The following DPP10 variants were observed in gnomAD, a reference collection of about 807,000 sequenced individuals.
The protein encoded by DPP10 is inactive dipeptidyl peptidase 10.
A neutral mutation model predicts 120.9 loss-of-function variants in DPP10; 33 were observed. That is an observed-to-expected ratio of 0.27 (90% CI 0.21 to 0.37). The LOEUF (loss-of-function observed/expected upper bound fraction) is 0.37. DPP10 is among the 10% of genes least tolerant of loss of function. DPP10 has a pLI of 1.00. For missense variants in DPP10, 816 were observed against 942.8 expected (o/e 0.87, Z 1.76); for synonymous variants, 337 against 326.1 (o/e 1.03, Z -0.36).
chr2:114,670,921 A>T (rs181403005), intron 1 of DPP10, among the ~76,000 whole-genome samples: 60 of 152,300 alleles, frequency 3.9e-4, no homozygotes, highest in African/African-American at 1.3e-3. Context: ...ATTATCACAC[A>T]TATCATAGGT....
chr2:114,693,828 T>C (rs1480716906), intron 1 of DPP10, among the ~76,000 whole-genome samples: 1 of 151,952 alleles, frequency 6.6e-6, no homozygotes, highest in Admixed American at 6.6e-5. Flanking sequence ...TTCAGAAAGA[T>C]AGTCTTCAAG....
chr2:114,598,344 A>ATG (rs915302190), intron 1 of DPP10, among the ~76,000 whole-genome samples: 1 of 151,872 alleles, frequency 6.6e-6, no homozygotes, highest in African/African-American at 2.4e-5. Context: ...AAGAAGGTGA[A>ATG]TGAATAATTT....
intron 3 of DPP10, among the ~76,000 whole-genome samples, chr2:115,357,779 A>G (rs1183660029): frequency 1.3e-5 from 2 of 152,166 alleles, no homozygotes; most frequent in Admixed American, 6.5e-5. Flanking sequence ...AGGCATTTCC[A>G]TACATCCTCT....
At chr2:114,747,323 A>G (rs1678669097) in intron 1 of DPP10, among the ~76,000 whole-genome samples, 1 of 152,146 alleles carries the variant, frequency 6.6e-6, no homozygotes, top group South Asian at 2.1e-4. Flanking sequence ...TCAGTCTTTT[A>G]TCCTTTGTAA....
At chr2:114,967,790 A>ATTATCG (rs1699137957) in intron 1 of DPP10, among the ~76,000 whole-genome samples, 1 of 151,888 alleles carries the variant, frequency 6.6e-6, no homozygotes, top group African/African-American at 2.4e-5. Context: ...TAACATTATC[A>ATTATCG]TTATCATTAT....
chr2:115,120,582 G>T (rs866360547), intron 1 of DPP10, among the ~76,000 whole-genome samples: 2 of 152,184 alleles, frequency 1.3e-5, no homozygotes, highest in Non-Finnish European at 2.9e-5. Flanking sequence ...AGAATTTAAT[G>T]GATTTAAAGC....
intron 1 of DPP10, among the ~76,000 whole-genome samples, chr2:114,656,364 T>C (rs1341669060): frequency 1.3e-5 from 2 of 151,976 alleles, no homozygotes; most frequent in African/African-American, 4.8e-5. Context: ...AGGGCATATA[T>C]TTGTAGAGGA....
chr2:114,680,087 G>A (rs935239722), intron 1 of DPP10, among the ~76,000 whole-genome samples: 24 of 151,892 alleles, frequency 1.6e-4, no homozygotes, highest in Non-Finnish European at 2.7e-4. Flanking sequence ...TTATAGAATC[G>A]TCTCTTGAGG....
At chr2:115,247,538 G>A (rs749401063) in intron 1 of DPP10, among the ~76,000 whole-genome samples, 1 of 152,084 alleles carries the variant, frequency 6.6e-6, no homozygotes, top group African/African-American at 2.4e-5. Context: ...AGAGGGAAGA[G>A]CGAAAAGAGA....
chr2:114,657,446 A>AT (rs1295625496), intron 1 of DPP10, among the ~76,000 whole-genome samples: 3 of 152,262 alleles, frequency 2.0e-5, no homozygotes, highest in East Asian at 3.9e-4. Flanking sequence ...TATTATTTCA[A>AT]TTTTTCATTC....
At chr2:114,998,313 C>T (rs564560631) in intron 1 of DPP10, among the ~76,000 whole-genome samples, 218 of 152,272 alleles carry the variant, frequency 1.4e-3, no homozygotes, top group Non-Finnish European at 1.9e-3. Flanking sequence ...CTGAAGCCTA[C>T]CAACTCCATT....
At chr2:115,264,632 C>T (rs1386258565) in intron 1 of DPP10, among the ~76,000 whole-genome samples, 2 of 152,174 alleles carry the variant, frequency 1.3e-5, no homozygotes, top group South Asian at 2.1e-4. Context: ...TACTATCTGT[C>T]ACATGAAATA....
At chr2:115,177,544 G>A (rs571128067) in intron 1 of DPP10, among the ~76,000 whole-genome samples, 2 of 152,130 alleles carry the variant, frequency 1.3e-5, no homozygotes, top group South Asian at 4.1e-4. Context: ...ACAGTGGAAC[G>A]TCTCCTTCCC....
At chr2:115,505,080 C>A (rs537006025) in intron 4 of DPP10, among the ~76,000 whole-genome samples, 1 of 152,038 alleles carries the variant, frequency 6.6e-6, no homozygotes, top group Non-Finnish European at 1.5e-5. Context: ...CTAATTTATT[C>A]ATGAGGACAA....
chr2:115,245,685 G>GTT (rs370343494), intron 1 of DPP10, among the ~76,000 whole-genome samples: 89 of 152,204 alleles, frequency 5.8e-4, no homozygotes, highest in African/African-American at 2.0e-3. Context: ...GCACATGCAT[G>GTT]TTTATACCAT....
At chr2:115,805,235 G>A (rs1489030919) in intron 19 of DPP10, among the ~76,000 whole-genome samples, 1 of 152,158 alleles carries the variant, frequency 6.6e-6, no homozygotes. Context: ...CCAGCCAGGT[G>A]TGGGGTATAA....
At chr2:114,925,423 A>T (rs1309328746) in intron 1 of DPP10, among the ~76,000 whole-genome samples, 1 of 152,178 alleles carries the variant, frequency 6.6e-6, no homozygotes, top group South Asian at 2.1e-4. Context: ...TCACTTTGCA[A>T]TCAGGCTGTG....
chr2:115,812,779 A>G (rs1686781429), intron 19 of DPP10, among the ~76,000 whole-genome samples: 1 of 152,124 alleles, frequency 6.6e-6, no homozygotes, highest in Non-Finnish European at 1.5e-5. Context: ...CAGTTTATTT[A>G]CGGTGTTTCT....
At chr2:115,229,468 C>T (rs1334594969) in intron 1 of DPP10, among the ~76,000 whole-genome samples, 3 of 151,978 alleles carry the variant, frequency 2.0e-5, no homozygotes, top group Non-Finnish European at 4.4e-5. Context: ...TGTCCTGATT[C>T]CTCAGTGGTT....
Sources: allele counts gnomAD v4.1 joint callset (sites outside exome capture counted in the v4.1 genomes callset), GRCh38; gene constraint gnomAD v4.1.1; transcripts MANE v1.5; gene names NCBI Gene and HGNC (gene_info 2026-07-23, HGNC 2026-07-21).